Variants in NPAS3 observed in about 807,000 individuals in gnomAD.
NPAS3 encodes neuronal PAS domain-containing protein 3.
Under a neutral mutation model 73.1 loss-of-function variants are expected in NPAS3, and 14 were observed. The ratio of observed to expected loss-of-function variants is 0.19; its 90% CI spans 0.13 to 0.30. The LOEUF (loss-of-function observed/expected upper bound fraction) is 0.30, where lower values mean the gene tolerates loss of function less well. Ranked by LOEUF, NPAS3 falls within the 10% of genes least tolerant of loss-of-function variation. The pLI, the probability that NPAS3 is intolerant of heterozygous loss-of-function variation, is 1.00. For synonymous variants in NPAS3, 620 were observed against 541.5 expected, an observed-to-expected ratio of 1.14 and a Z score of -2.01; for missense variants, 1,096 against 1,250.0, an observed-to-expected ratio of 0.88 and a Z score of 1.86.
chr14:33,613,491 T>G (rs1206480412), intron 5 of NPAS3, among the ~76,000 whole-genome samples: 3 of 152,180 alleles, frequency 2.0e-5, no homozygotes, highest in South Asian at 2.1e-4. Flanking sequence ...CTGGACAATT[T>G]GCAACCTCCT....
intron 2 of NPAS3, among the ~76,000 whole-genome samples, chr14:33,180,127 C>G (rs1415450838): frequency 6.6e-6 from 1 of 151,842 alleles, no homozygotes; most frequent in Non-Finnish European, 1.5e-5. Flanking sequence ...CTATTTTAAC[C>G]CAATATATTT....
intron 7 of NPAS3, among the ~76,000 whole-genome samples, chr14:33,739,028 C>T (rs2061592810): frequency 6.6e-6 from 1 of 152,216 alleles, no homozygotes; most frequent in South Asian, 2.1e-4. Context: ...TGCCTACCAG[C>T]TCCACTGTCA....
chr14:33,053,588 C>T (rs942296689), intron 1 of NPAS3, among the ~76,000 whole-genome samples: 3 of 152,166 alleles, frequency 2.0e-5, no homozygotes, highest in Non-Finnish European at 2.9e-5. Context: ...AGAGAATGAA[C>T]TCAGTAGCTT....
intron 5 of NPAS3, among the ~76,000 whole-genome samples, chr14:33,573,430 A>G (rs1397739636): frequency 6.6e-6 from 1 of 152,218 alleles, no homozygotes; most frequent in Non-Finnish European, 1.5e-5. Context: ...ACTGAATGTC[A>G]TGGTCACAAT....
intron 1 of NPAS3, among the ~76,000 whole-genome samples, chr14:32,990,762 CA>C (rs1475035027): frequency 6.6e-6 from 1 of 151,700 alleles, no homozygotes; most frequent in Non-Finnish European, 1.5e-5. Flanking sequence ...TCTGTGTCTA[CA>C]AAAAAATTTA....
chr14:33,406,691 G>A (rs1245542045), intron 4 of NPAS3, among the ~76,000 whole-genome samples: 14 of 152,200 alleles, frequency 9.2e-5, no homozygotes, highest in Admixed American at 5.9e-4. Context: ...ACACCACAGT[G>A]CAAAGTTCAC....
At chr14:33,509,294 AG>A (rs1391611043) in intron 4 of NPAS3, among the ~76,000 whole-genome samples, 1 of 152,030 alleles carries the variant, frequency 6.6e-6, no homozygotes, top group Non-Finnish European at 1.5e-5. Context: ...TTCTAGGGCA[AG>A]AACAGAAGAG....
At chr14:32,961,593 G>GAC (rs905671790) in intron 1 of NPAS3, among the ~76,000 whole-genome samples, 9 of 151,904 alleles carry the variant, frequency 5.9e-5, no homozygotes, top group Admixed American at 2.0e-4. Flanking sequence ...ATCCTACAGG[G>GAC]ACACACCTTC....
intron 6 of NPAS3, among the ~76,000 whole-genome samples, chr14:33,681,227 C>T (rs547610927): frequency 9.9e-5 from 15 of 152,176 alleles, no homozygotes; most frequent in African/African-American, 3.1e-4. Context: ...TATAAAAAAA[C>T]GGCTTGGATA....
intron 2 of NPAS3, among the ~76,000 whole-genome samples, chr14:33,114,413 A>G (rs906030728): frequency 3.9e-5 from 6 of 152,122 alleles, no homozygotes; most frequent in African/African-American, 1.4e-4. Flanking sequence ...AAAGTCATTT[A>G]AAACCAAATG....
intron 3 of NPAS3, among the ~76,000 whole-genome samples, chr14:33,228,911 C>T (rs78184272): frequency 0.023 from 3,441 of 152,002 alleles, 44 homozygotes; most frequent in Middle Eastern, 0.061. Flanking sequence ...AATAAAATAT[C>T]GTATTATTTT....
At chr14:32,969,171 C>T (rs1272461542) in intron 1 of NPAS3, among the ~76,000 whole-genome samples, 1 of 152,146 alleles carries the variant, frequency 6.6e-6, no homozygotes, top group Non-Finnish European at 1.5e-5. Context: ...CTAGGCCACA[C>T]CAGAGGCTGC....
intron 6 of NPAS3, among the ~76,000 whole-genome samples, chr14:33,684,126 C>T (rs2060018759): frequency 6.6e-6 from 1 of 151,870 alleles, no homozygotes. Context: ...ATAGATAGGT[C>T]CCTGGTAGGA....
chr14:33,764,574 G>A (rs931778188), intron 7 of NPAS3, among the ~76,000 whole-genome samples: 4 of 152,156 alleles, frequency 2.6e-5, no homozygotes, highest in Middle Eastern at 3.2e-3. Flanking sequence ...CTTGCCTGAC[G>A]TGGGACTAGT....
At chr14:33,471,645 G>A (rs557434357) in intron 4 of NPAS3, among the ~76,000 whole-genome samples, 3 of 152,284 alleles carry the variant, frequency 2.0e-5, no homozygotes, top group South Asian at 2.1e-4. Context: ...TGATATCACC[G>A]TCCTTAAAAG....
At chr14:33,264,967 C>T (rs559470155) in intron 3 of NPAS3, among the ~76,000 whole-genome samples, 6 of 152,284 alleles carry the variant, frequency 3.9e-5, no homozygotes, top group Admixed American at 3.3e-4. Context: ...AGTAACTGGT[C>T]ATATTTCTTG....
At chr14:32,973,348 A>T (rs1318580484) in intron 1 of NPAS3, among the ~76,000 whole-genome samples, 2 of 152,130 alleles carry the variant, frequency 1.3e-5, no homozygotes, top group African/African-American at 2.4e-5. Context: ...ATGGTCCATT[A>T]TTCTGCCATG....
intron 2 of NPAS3, among the ~76,000 whole-genome samples, chr14:33,058,569 C>T (rs1488812065): frequency 2.6e-5 from 4 of 152,150 alleles, no homozygotes; most frequent in Non-Finnish European, 5.9e-5. Context: ...TTTTCTAACT[C>T]TTGGTTACTA....
chr14:33,050,912 T>A (rs2040679479), intron 1 of NPAS3, among the ~76,000 whole-genome samples: 1 of 152,210 alleles, frequency 6.6e-6, no homozygotes, highest in Non-Finnish European at 1.5e-5. Flanking sequence ...CTTTGGGCCA[T>A]CCTCAGCAGG....
Sources: gnomAD v4.1 joint callset for allele counts (sites outside exome capture counted in the v4.1 genomes callset) on GRCh38, gnomAD v4.1.1 for gene constraint, MANE v1.5 for transcripts, NCBI Gene and HGNC (gene_info 2026-07-23, HGNC 2026-07-21) for gene names.